The following TMED10 variants were observed in gnomAD, a reference collection of about 807,000 sequenced individuals.
The protein encoded by TMED10 is transmembrane emp24 domain-containing protein 10.
Under a neutral mutation model 23.1 loss-of-function variants are expected in TMED10, and 7 were observed. That is an observed-to-expected ratio of 0.30 (90% CI 0.17 to 0.57). The LOEUF (loss-of-function observed/expected upper bound fraction) is 0.57, where lower values mean the gene tolerates loss of function less well. Ranked by LOEUF, TMED10 falls within the 20% of genes least tolerant of loss-of-function variation. The probability of loss-of-function intolerance (pLI) is 0.91; values close to 1 mark genes in which losing one functional copy is unlikely to be tolerated. For missense variants in TMED10, 162 were observed against 274.8 expected (o/e 0.59, Z 2.90); for synonymous variants, 113 against 106.9 (o/e 1.06, Z -0.35).
chr14:75,173,809 C>T (rs1181082441), intron 1 of TMED10, among the ~76,000 whole-genome samples: 1 of 152,200 alleles, frequency 6.6e-6, no homozygotes, highest in Non-Finnish European at 1.5e-5. Context: ...CAGCTCACTG[C>T]AGCCACTGCC....
chr14:75,166,838 T>A (rs1235369154), intron 1 of TMED10, among the ~76,000 whole-genome samples: 1 of 152,170 alleles, frequency 6.6e-6, no homozygotes, highest in East Asian at 1.9e-4. Context: ...AGGGCCATAT[T>A]TCTCCCTACA....
intron 1 of TMED10, among the ~76,000 whole-genome samples, chr14:75,152,349 T>C (rs979176336): frequency 6.6e-6 from 1 of 152,198 alleles, no homozygotes; most frequent in Non-Finnish European, 1.5e-5. Flanking sequence ...AATAGCCTAA[T>C]CACACTGTGG....
chr14:75,135,648 C>A, intron 4 of TMED10, 112 bp downstream of exon 4: 1 of 1,443,356 alleles, frequency 6.9e-7, no homozygotes, highest in East Asian at 2.3e-5. Context: ...AGCAATTTCC[C>A]CTCCATATAC....
chr14:75,141,411 G>A (rs1262921870), intron 3 of TMED10, among the ~76,000 whole-genome samples: 1 of 152,068 alleles, frequency 6.6e-6, no homozygotes, highest in African/African-American at 2.4e-5. Context: ...GGGAGGGTAG[G>A]GGATAATAGC....
In TMED10 at chr14:75,176,612, C is replaced by A. The variant is rs747771265; in HGVS notation, c.-33G>T. 6.2e-7 allele frequency: 1 copy of A among 1,611,248 alleles called. No homozygotes were observed. Among genetic ancestry groups the A allele is most frequent in the Non-Finnish European group, 8.5e-7 (1 of 1,178,336 alleles). On this transcript the variant is annotated 5_prime_UTR_variant, in exon 1 of 5. Transcript: ENST00000303575. ...GAGACTCGTTCACCACCGAAGGCCT[C>A]AACCGCGCCGGAACCGGGGGGACCC...
At position 75,134,778 on chromosome 14, in the gene TMED10, T is replaced by G. The variant is rs1895727388; in HGVS notation, c.*107A>C. 1.7e-5 allele frequency: 25 copies of G among 1,490,204 alleles called. No individual in the cohort carries two copies. The highest frequency in any genetic ancestry group is 2.3e-5 in the Non-Finnish European group (25 of 1,085,560). The allele number at this position is 1,490,204 out of a possible 1,614,324, so 92.3% of individuals were successfully genotyped here. On this transcript the variant is annotated 3_prime_UTR_variant, in exon 5 of 5. Transcript: ENST00000303575. ...AAGAGATCAGTTCTGGCAAGAAAGCTCCAACGTGCCTTGATGGTGCTGTTG... is the reference window on the plus strand; with the variant it reads ...AAGAGATCAGTTCTGGCAAGAAAGCGCCAACGTGCCTTGATGGTGCTGTTG...
At chr14:75,151,189 G>A (rs747809647) in intron 2 of TMED10, among the ~76,000 whole-genome samples, 1 of 150,952 alleles carries the variant, frequency 6.6e-6, no homozygotes, top group African/African-American at 2.4e-5. Context: ...ACAAGCGTGA[G>A]TCACTGCGCC....
chr14:75,138,643 G>A (rs947900780), intron 3 of TMED10, among the ~76,000 whole-genome samples: 2 of 152,090 alleles, frequency 1.3e-5, no homozygotes, highest in African/African-American at 4.8e-5. Flanking sequence ...AAATGAGACA[G>A]TATAAAGGAA....
chr14:75,164,558 TATATATATATATATA>T (rs1566675190), intron 1 of TMED10, among the ~76,000 whole-genome samples: 13 of 4,078 alleles, frequency 3.2e-3, no homozygotes, highest in African/African-American at 8.0e-3. Flanking sequence ...TATATATATA[TATATATATATATATA>T]TATATTTTTT....
At chr14:75,145,086 G>A (rs1407214750) in intron 3 of TMED10, among the ~76,000 whole-genome samples, 2 of 152,256 alleles carry the variant, frequency 1.3e-5, no homozygotes, top group Non-Finnish European at 2.9e-5. Flanking sequence ...GGGAGCAGGG[G>A]TGAAGGGCAG....
At chr14:75,154,898 C>T (rs1452571908) in intron 1 of TMED10, among the ~76,000 whole-genome samples, 1 of 150,592 alleles carries the variant, frequency 6.6e-6, no homozygotes, top group Non-Finnish European at 1.5e-5. Context: ...CTCCTGACCT[C>T]GTGATCCACC....
At position 75,176,475 on chromosome 14, in the gene TMED10, A is replaced by G. The variant is rs766134392; in HGVS notation, c.105T>C (p.His35=). 6.2e-7 allele frequency: 1 copy of G among 1,614,200 alleles called. No homozygotes were observed. The part of the protein sequence containing the change: ...GPRLVLAISF[H]LPINSRKCLR... ...GGCACTTGCGAGAGTTAATGGGCAG[A>G]TGGAAGGAGATGGCAAGGACCAATC... Residue 35 remains histidine, a synonymous_variant, in exon 1 of 5, where the codon CAT becomes CAC. Transcript: ENST00000303575.
intron 1 of TMED10, among the ~76,000 whole-genome samples, chr14:75,154,650 AC>A (rs1350169297): frequency 1.3e-5 from 2 of 151,738 alleles, no homozygotes; most frequent in Non-Finnish European, 2.9e-5. Flanking sequence ...AATTTGTCAA[AC>A]TTTTAAATTT....
At chr14:75,144,907 C>G (rs993529187) in intron 3 of TMED10, among the ~76,000 whole-genome samples, 12 of 152,246 alleles carry the variant, frequency 7.9e-5, no homozygotes, top group Admixed American at 3.3e-4. Flanking sequence ...GATCCACCCA[C>G]CTTGGCCTCC....
At position 75,166,050 on chromosome 14, in the gene TMED10, G is replaced by A. The variant is rs910789140; in HGVS notation, c.225+10305C>T. On this transcript the variant is annotated intron_variant, in intron 1 of 4. Transcript: ENST00000303575. ...GGAGGGGAACGAGAACGAAAGACCC[G>A]TTGCTGCCCTAACAATACTACTGCG... Among the ~76,000 whole-genome samples, 6 of 152,000 alleles carry A rather than the reference G, an allele frequency of 3.9e-5. No homozygotes were observed. The South Asian group carries it at 1.0e-3, about 26-fold the overall frequency.
At chr14:75,173,959 G>C (rs927047310) in intron 1 of TMED10, among the ~76,000 whole-genome samples, 2 of 152,142 alleles carry the variant, frequency 1.3e-5, no homozygotes, top group African/African-American at 4.8e-5. Context: ...TTGAACTCCT[G>C]ACCTCAGGTG....
At chr14:75,149,952 A>G (rs1895936373) in intron 2 of TMED10, among the ~76,000 whole-genome samples, 1 of 152,044 alleles carries the variant, frequency 6.6e-6, no homozygotes, top group Admixed American at 6.5e-5. Context: ...AAAATACACA[A>G]ATTAGCCAGG....
chr14:75,161,742 C>A (rs1896087535), intron 1 of TMED10, among the ~76,000 whole-genome samples: 1 of 151,950 alleles, frequency 6.6e-6, no homozygotes. Flanking sequence ...ACTCCTGCTG[C>A]TCACAGAATT....
intron 1 of TMED10, among the ~76,000 whole-genome samples, chr14:75,153,015 A>G (rs1440328257): frequency 6.6e-6 from 1 of 152,152 alleles, no homozygotes; most frequent in Admixed American, 6.5e-5. Flanking sequence ...CCAGCTACTC[A>G]GGAGGCTGAG....
Sources: gnomAD v4.1 joint callset for allele counts (sites outside exome capture counted in the v4.1 genomes callset) on GRCh38, gnomAD v4.1.1 for gene constraint, MANE v1.5 for transcripts, NCBI Gene and HGNC (gene_info 2026-07-23, HGNC 2026-07-21) for gene names.